XKR4: variants seen among roughly 807,000 people sequenced by gnomAD.
XKR4 encodes the protein XK related 4.
XKR4 carries 12 observed loss-of-function variants against 53.9 expected under a neutral mutation model. That is an observed-to-expected ratio of 0.22 (90% CI 0.14 to 0.36). The LOEUF (loss-of-function observed/expected upper bound fraction) is 0.36, where lower values mean the gene tolerates loss of function less well. Among genes scored for constraint, XKR4 ranks in the 10% least tolerant of loss-of-function variants. The probability of loss-of-function intolerance (pLI) is 1.00; values close to 1 mark genes in which losing one functional copy is unlikely to be tolerated. For synonymous variants in XKR4, 354 were observed against 362.4 expected (o/e 0.98, Z 0.26); for missense variants, 799 against 859.5 (o/e 0.93, Z 0.88).
intron 2 of XKR4, among the ~76,000 whole-genome samples, chr8:55,386,297 T>A (rs919062217): frequency 6.6e-6 from 1 of 152,154 alleles, no homozygotes; most frequent in Non-Finnish European, 1.5e-5. Context: ...ATGCATGATA[T>A]CCACACGGGA....
chr8:55,240,168 A>G (rs1818189819), intron 1 of XKR4, among the ~76,000 whole-genome samples: 1 of 152,210 alleles, frequency 6.6e-6, no homozygotes. Flanking sequence ...TGAATTAATC[A>G]TATCCTTTTC....
intron 2 of XKR4, among the ~76,000 whole-genome samples, chr8:55,426,512 T>C (rs920899196): frequency 6.6e-6 from 1 of 152,198 alleles, no homozygotes; most frequent in African/African-American, 2.4e-5. Flanking sequence ...TTAATTATCT[T>C]TTTGCATTTA....
intron 1 of XKR4, among the ~76,000 whole-genome samples, chr8:55,309,341 C>T (rs754542405): frequency 6.6e-6 from 1 of 152,144 alleles, no homozygotes; most frequent in South Asian, 2.1e-4. Context: ...CCACTTAAAT[C>T]TCATATTTAA....
chr8:55,425,381 CGTTGT>C (rs1196200130), intron 2 of XKR4, among the ~76,000 whole-genome samples: 7 of 146,720 alleles, frequency 4.8e-5, no homozygotes, highest in Non-Finnish European at 9.1e-5. Flanking sequence ...GTTCTTGCCC[CGTTGT>C]TTGTTTCATT....
Position 55,537,751 on chromosome 8 carries a change from C to T in XKR4, c.*13524C>T, listed in dbSNP as rs1807049123. 1.3e-5 allele frequency: 2 copies of T among 152,176 alleles called. No individual in the cohort carries two copies. Among genetic ancestry groups the T allele is most frequent in the Non-Finnish European group, 2.9e-5 (2 of 68,028 alleles). The allele number at this position is 152,176 out of a possible 1,614,324, so 9.4% of individuals were successfully genotyped here. Reference sequence around the variant, plus strand: ...TTTATGAAATCAAATGGATCCTCCACTTTGTGTAGTAAGGACCCCCCAGGC... The same window carrying T: ...TTTATGAAATCAAATGGATCCTCCATTTTGTGTAGTAAGGACCCCCCAGGC... On this transcript the variant is annotated 3_prime_UTR_variant, in exon 3 of 3. Coordinates refer to ENST00000327381, the MANE Select transcript of XKR4 (RefSeq NM_052898.2).
intron 1 of XKR4, among the ~76,000 whole-genome samples, chr8:55,300,910 A>G (rs1819184326): frequency 6.6e-6 from 1 of 152,162 alleles, no homozygotes; most frequent in Non-Finnish European, 1.5e-5. Context: ...GGAGGATTAT[A>G]TTTTAATTTA....
At chr8:55,434,407 A>G (rs1256763505) in intron 2 of XKR4, among the ~76,000 whole-genome samples, 2 of 117,866 alleles carry the variant, frequency 1.7e-5, no homozygotes, top group Non-Finnish European at 3.5e-5. Flanking sequence ...ACTTGATACC[A>G]ATCGTGTGTG....
At chr8:55,216,774 C>T (rs557279210) in intron 1 of XKR4, among the ~76,000 whole-genome samples, 1 of 142,452 alleles carries the variant, frequency 7.0e-6, no homozygotes, top group South Asian at 2.2e-4. Flanking sequence ...ATGAGTTCAA[C>T]AGCATTAAAA....
At chr8:55,418,850 C>T (rs918328199) in intron 2 of XKR4, among the ~76,000 whole-genome samples, 3 of 152,000 alleles carry the variant, frequency 2.0e-5, no homozygotes, top group Non-Finnish European at 2.9e-5. Flanking sequence ...CCTTCCTGCC[C>T]GTACTGCTCT....
intron 1 of XKR4, among the ~76,000 whole-genome samples, chr8:55,166,084 T>G (rs1817061630): frequency 6.6e-6 from 1 of 152,160 alleles, no homozygotes; most frequent in Admixed American, 6.5e-5. Context: ...GGCCTGTGGA[T>G]CTGGCTGCCT....
chr8:55,181,077 C>A (rs888954354), intron 1 of XKR4, among the ~76,000 whole-genome samples: 3 of 152,088 alleles, frequency 2.0e-5, no homozygotes, highest in African/African-American at 7.2e-5. Flanking sequence ...TGAATAGATC[C>A]AAGCTCCTAC....
At chr8:55,490,213 T>C (rs932322390) in intron 2 of XKR4, among the ~76,000 whole-genome samples, 1 of 152,178 alleles carries the variant, frequency 6.6e-6, no homozygotes, top group Non-Finnish European at 1.5e-5. Flanking sequence ...GAATATGCGG[T>C]ACCTATACCC....
At position 55,528,540 on chromosome 8, in the gene XKR4, G is replaced by A. The variant is rs1806907369; in HGVS notation, c.*4313G>A. On this transcript the variant is annotated 3_prime_UTR_variant, in exon 3 of 3. Coordinates refer to ENST00000327381, the MANE Select transcript of XKR4 (RefSeq NM_052898.2). ...CATTTTCCACATATCTTTGCCATTA[G>A]CCATTGCTGTTTCTATATAAAGCTT... 6.6e-6 allele frequency: 1 copy of A among 152,144 alleles called. No homozygotes were observed. The highest frequency in any genetic ancestry group is 1.5e-5 in the Non-Finnish European group (1 of 68,026). The allele number at this position is 152,144 out of a possible 1,614,324, so 9.4% of individuals were successfully genotyped here.
At chr8:55,234,203 A>T (rs1213111316) in intron 1 of XKR4, among the ~76,000 whole-genome samples, 1 of 152,190 alleles carries the variant, frequency 6.6e-6, no homozygotes, top group Non-Finnish European at 1.5e-5. Context: ...CTCAGACCTG[A>T]AAATACTGTC....
chr8:55,352,297 G>A (rs1340124267), intron 1 of XKR4, among the ~76,000 whole-genome samples: 1 of 152,218 alleles, frequency 6.6e-6, no homozygotes, highest in Non-Finnish European at 1.5e-5. Context: ...AGAACCACAT[G>A]AGCAAAGGCA....
intron 1 of XKR4, among the ~76,000 whole-genome samples, chr8:55,173,421 T>G (rs1197681142): frequency 6.6e-6 from 1 of 152,210 alleles, no homozygotes; most frequent in Non-Finnish European, 1.5e-5. Flanking sequence ...ATATATAGTT[T>G]ATTTTAAAAA....
At position 55,350,212 on chromosome 8, in the gene XKR4, C is replaced by T. The variant is rs191068838; in HGVS notation, c.807-7466C>T. 3.7e-4 allele frequency among the ~76,000 whole-genome samples: 56 copies of T among 152,258 alleles called. 1 individual carries two copies. The East Asian group carries it at 0.01, about 27-fold the overall frequency. On this transcript the variant is annotated intron_variant, in intron 1 of 2. Transcript: ENST00000327381. The stretch of plus-strand genomic sequence containing the variant: ...ATGCTGTATATCCTCATAGCTAATC[C>T]TGAGTGAATTTGTGCGTGCTCTTTG...
At chr8:55,234,122 A>AG (rs1307206996) in intron 1 of XKR4, among the ~76,000 whole-genome samples, 4 of 152,218 alleles carry the variant, frequency 2.6e-5, no homozygotes, top group Non-Finnish European at 4.4e-5. Flanking sequence ...CCAGGGAGAC[A>AG]GAAGCCTTTA....
chr8:55,492,954 C>T (rs1395393), intron 2 of XKR4, among the ~76,000 whole-genome samples: 71,681 of 152,088 alleles, frequency 0.47, 18,507 homozygotes, highest in African/African-American at 0.69. Flanking sequence ...CCTTACAAAG[C>T]TGTGGCTCAG....
Sources: gnomAD v4.1 joint callset for allele counts (sites outside exome capture counted in the v4.1 genomes callset) on GRCh38, gnomAD v4.1.1 for gene constraint, MANE v1.5 for transcripts, NCBI Gene and HGNC (gene_info 2026-07-23, HGNC 2026-07-21) for gene names.